The following SEMA3E variants were observed in gnomAD, a reference collection of about 807,000 sequenced individuals.
SEMA3E encodes the protein semaphorin-3E.
Under a neutral mutation model 93.6 loss-of-function variants are expected in SEMA3E, and 49 were observed. The observed-to-expected ratio is 0.52, with a 90% CI of 0.42 to 0.66. The LOEUF is 0.66. Ranked by LOEUF, SEMA3E falls within the 30% of genes least tolerant of loss-of-function variation. SEMA3E has a pLI of 0.00. For synonymous variants in SEMA3E, 363 were observed against 330.7 expected (o/e 1.10, Z -1.06); for missense variants, 906 against 964.8 (o/e 0.94, Z 0.81).
chr7:83,512,433 G>T (rs1326136939), intron 1 of SEMA3E, among the ~76,000 whole-genome samples: 1 of 152,130 alleles, frequency 6.6e-6, no homozygotes, highest in Non-Finnish European at 1.5e-5. Flanking sequence ...AATACATGCC[G>T]TGGATTAGCT....
chr7:83,425,423 C>T (rs1186097033), intron 4 of SEMA3E, among the ~76,000 whole-genome samples: 1 of 152,072 alleles, frequency 6.6e-6, no homozygotes, highest in Non-Finnish European at 1.5e-5. Context: ...TTCTTTACCA[C>T]TTATCACCTT....
Position 83,394,294 on chromosome 7 carries a change from T to C in SEMA3E, c.1500+3A>G, listed in dbSNP as rs1169283638. On this transcript the variant is annotated splice_donor_region_variant and intron_variant, in intron 13 of 16. Transcript: ENST00000643230. ...CCTACACACACACACACACAGAACT[T>C]ACCCGCTTTGAAGAAATCTCCATAG... The C allele has an allele frequency of 1.9e-6, 3 of 1,612,440 alleles. No homozygotes were observed. Among genetic ancestry groups the C allele is most frequent in the African/African-American group, 2.7e-5 (2 of 74,522 alleles).
intron 1 of SEMA3E, among the ~76,000 whole-genome samples, chr7:83,620,185 T>TA (rs997628427): frequency 1.2e-4 from 18 of 150,652 alleles, no homozygotes; most frequent in South Asian, 6.3e-4. Flanking sequence ...ACTTCCATAC[T>TA]AAAAAAAAAT....
chr7:83,426,286 TGCA>T (rs778302200), intron 4 of SEMA3E, among the ~76,000 whole-genome samples: 9 of 152,326 alleles, frequency 5.9e-5, no homozygotes, highest in African/African-American at 7.2e-5. Context: ...GTATGTTCAT[TGCA>T]GCATTATTCA....
chr7:83,568,225 A>T (rs2115858537), intron 1 of SEMA3E, among the ~76,000 whole-genome samples: 1 of 152,296 alleles, frequency 6.6e-6, no homozygotes, highest in East Asian at 1.9e-4. Flanking sequence ...AGTAAGACTG[A>T]ATAAGTAATA....
chr7:83,400,940 T>G (rs1788223868), intron 10 of SEMA3E, among the ~76,000 whole-genome samples: 1 of 152,140 alleles, frequency 6.6e-6, no homozygotes, highest in South Asian at 2.1e-4. Context: ...ACTGAGTCTA[T>G]GATAATATGA....
chr7:83,541,577 C>T (rs1207145091), intron 1 of SEMA3E, among the ~76,000 whole-genome samples: 1 of 152,050 alleles, frequency 6.6e-6, no homozygotes, highest in East Asian at 1.9e-4. Context: ...TCCTCAAAGG[C>T]CAACGAAGCA....
chr7:83,519,344 C>T (rs1045865085), intron 1 of SEMA3E, among the ~76,000 whole-genome samples: 1 of 152,070 alleles, frequency 6.6e-6, no homozygotes, highest in African/African-American at 2.4e-5. Flanking sequence ...TTCACTAAAC[C>T]TAGAACCATC....
At position 83,367,517 on chromosome 7, in the gene SEMA3E, G is replaced by GATTT. The variant is rs5885345; in HGVS notation, c.*65_*68dup. 0.012 allele frequency: 17,195 copies of GATTT among 1,486,050 alleles called. 1,630 individuals are homozygous for GATTT. The African/African-American group carries it at 0.21, about 18-fold the overall frequency. The allele number at this position is 1,486,050 out of a possible 1,614,324, so 92.1% of individuals were successfully genotyped here. On this transcript the variant is annotated 3_prime_UTR_variant, in exon 17 of 17. Coordinates refer to ENST00000643230, the MANE Select transcript of SEMA3E (RefSeq NM_012431.3). ...TTTAAGTAATGCAAAGAAGTTGGAT[G>GATTT]ATTTATTTTTTTACTTTTTTACTTT...
At chr7:83,385,522 A>G (rs1208699440) in intron 15 of SEMA3E, 89 bp from the exon 16 acceptor site, 13 of 1,250,862 alleles carry the variant, frequency 1.0e-5, no homozygotes, top group Non-Finnish European at 1.4e-5. Context: ...CTGCAGTAAC[A>G]TGATTAACTC....
At chr7:83,411,178 C>CT (rs1186134670) in intron 5 of SEMA3E, among the ~76,000 whole-genome samples, 1 of 152,054 alleles carries the variant, frequency 6.6e-6, no homozygotes, top group East Asian at 1.9e-4. Context: ...CTTGGAGCCA[C>CT]TAGGTGGCAG....
intron 1 of SEMA3E, among the ~76,000 whole-genome samples, chr7:83,520,407 A>T (rs940379449): frequency 1.3e-5 from 2 of 152,082 alleles, no homozygotes; most frequent in African/African-American, 2.4e-5. Flanking sequence ...CCCTTTCTCC[A>T]TTCCTTTCTC....
intron 1 of SEMA3E, among the ~76,000 whole-genome samples, chr7:83,534,939 C>A (rs915637921): frequency 2.0e-5 from 3 of 152,104 alleles, no homozygotes; most frequent in Non-Finnish European, 4.4e-5. Flanking sequence ...ATCCTCGGGG[C>A]AATAATAAGC....
intron 14 of SEMA3E, among the ~76,000 whole-genome samples, chr7:83,388,524 T>C (rs1041237727): frequency 3.3e-5 from 5 of 151,750 alleles, no homozygotes; most frequent in African/African-American, 9.7e-5. Context: ...AGGTAGAAAA[T>C]ACCACTTGCT....
intron 2 of SEMA3E, among the ~76,000 whole-genome samples, chr7:83,469,572 T>C (rs1053865765): frequency 6.6e-6 from 1 of 152,054 alleles, no homozygotes; most frequent in East Asian, 1.9e-4. Context: ...AGGACAGCCA[T>C]GCCTTAACTA....
intron 2 of SEMA3E, among the ~76,000 whole-genome samples, chr7:83,482,922 A>AGCAAATAGAC (rs11280819): frequency 0.96 from 146,691 of 152,046 alleles, 70,817 homozygotes; most frequent in East Asian, 1. Context: ...TATGAAAAAG[A>AGCAAATAGAC]GAAATGGTCT....
At chr7:83,478,111 T>C (rs889279324) in intron 2 of SEMA3E, among the ~76,000 whole-genome samples, 3 of 152,010 alleles carry the variant, frequency 2.0e-5, no homozygotes, top group Non-Finnish European at 4.4e-5. Context: ...TTAGTAGAGA[T>C]AGGGTTTCTC....
In SEMA3E at chr7:83,587,890, C is replaced by T. The variant is rs1292836079; in HGVS notation, c.115+60538G>A. 2.0e-5 allele frequency among the ~76,000 whole-genome samples: 3 copies of T among 151,944 alleles called. 1 individual carries two copies. The highest frequency in any genetic ancestry group is 4.8e-5 in the African/African-American group (2 of 41,488). On this transcript the variant is annotated intron_variant, in intron 1 of 16. Coordinates refer to ENST00000643230, the MANE Select transcript of SEMA3E (RefSeq NM_012431.3). ...TTTATATAATTAAAATATTTAAATG[C>T]TATTCTTAAGCAGGAATAAATTCTA... is the stretch of plus-strand genomic sequence containing the variant.
At chr7:83,612,788 T>C (rs1009231181) in intron 1 of SEMA3E, 1 of 152,306 alleles carries the variant, frequency 6.6e-6, no homozygotes, top group Middle Eastern at 3.4e-3. Flanking sequence ...AACTTTGCTT[T>C]GGAGTTTATA....
Sources: allele counts gnomAD v4.1 joint callset (sites outside exome capture counted in the v4.1 genomes callset), GRCh38; gene constraint gnomAD v4.1.1; transcripts MANE v1.5; gene names NCBI Gene and HGNC (gene_info 2026-07-23, HGNC 2026-07-21).